The following KCNN2 variants were observed in gnomAD, a reference collection of about 807,000 sequenced individuals.
The protein encoded by KCNN2 is potassium calcium-activated channel subfamily N member 2, also known as small conductance calcium-activated potassium channel protein 2.
KCNN2 carries 24 observed loss-of-function variants against 55.5 expected under a neutral mutation model. That is an observed-to-expected ratio of 0.43 (90% CI 0.31 to 0.61). KCNN2 has a LOEUF of 0.61. Ranked by LOEUF, KCNN2 falls within the 20% of genes least tolerant of loss-of-function variation. The pLI is 0.08. For synonymous variants in KCNN2, 431 were observed against 336.1 expected (o/e 1.28, Z -3.09); for missense variants, 754 against 853.6 (o/e 0.88, Z 1.45).
chr5:114,251,681 C>A (rs1464981108), intron 2 of KCNN2, among the ~76,000 whole-genome samples: 2 of 152,110 alleles, frequency 1.3e-5, no homozygotes, highest in African/African-American at 4.8e-5. Context: ...TCCACCTGAA[C>A]TGTTATATTT....
chr5:114,353,229 G>C (rs1310192078), intron 2 of KCNN2, among the ~76,000 whole-genome samples: 1 of 151,068 alleles, frequency 6.6e-6, no homozygotes, highest in Non-Finnish European at 1.5e-5. Context: ...GTTGTTGTTT[G>C]CATGGTATAA....
intron 2 of KCNN2, among the ~76,000 whole-genome samples, chr5:114,221,763 T>G (rs1754143513): frequency 6.6e-6 from 1 of 152,172 alleles, no homozygotes; most frequent in African/African-American, 2.4e-5. Context: ...ACCACTGCAT[T>G]AAGAAAACAT....
Position 114,487,176 on chromosome 5 carries a change from CAGTA to C in KCNN2, c.2018+4_2018+7del, listed in dbSNP as rs1249820627. 1 of 1,612,120 alleles carries C rather than the reference CAGTA, an allele frequency of 6.2e-7. No individual in the cohort carries two copies. ...ACGAAAATTCCTGCAAGCTATTCAT[CAGTA>C]AGTATCATTTTTCATTTTTATCCTG... is the stretch of plus-strand genomic sequence containing the variant. On this transcript the variant is annotated splice_donor_variant and splice_donor_region_variant and coding_sequence_variant and intron_variant, in exon 6 of 8. Coordinates refer to ENST00000673685, the MANE Select transcript of KCNN2 (RefSeq NM_021614.4). LOFTEE classifies it high-confidence loss of function.
At chr5:114,083,637 A>G (rs1449631752) in intron 1 of KCNN2, among the ~76,000 whole-genome samples, 7 of 152,072 alleles carry the variant, frequency 4.6e-5, no homozygotes, top group Admixed American at 4.6e-4. Context: ...TCTGTTATTA[A>G]CATCTTGCAT....
intron 1 of KCNN2, among the ~76,000 whole-genome samples, chr5:114,153,452 A>C (rs1752566770): frequency 1.3e-5 from 2 of 152,192 alleles, no homozygotes; most frequent in Admixed American, 1.3e-4. Context: ...CATATGAGTT[A>C]GTTTGCCACA....
chr5:114,285,901 C>T (rs976697341), intron 2 of KCNN2, among the ~76,000 whole-genome samples: 18 of 144,594 alleles, frequency 1.2e-4, no homozygotes, highest in African/African-American at 4.1e-4. Context: ...TTCTGAGGCA[C>T]CTACAATTTG....
At chr5:114,452,573 A>G (rs1474827954) in intron 3 of KCNN2, among the ~76,000 whole-genome samples, 1 of 152,230 alleles carries the variant, frequency 6.6e-6, no homozygotes, top group East Asian at 1.9e-4. Flanking sequence ...CCTGAAATAA[A>G]GCTAATTGAT....
At chr5:114,462,918 C>G in intron 3 of KCNN2, 131 bp from the exon 4 acceptor site, 2 of 848,042 alleles carry the variant, frequency 2.4e-6, no homozygotes, top group Non-Finnish European at 3.6e-6. Context: ...TTTATATTCA[C>G]AAGCTTTGAA....
chr5:114,137,726 A>G (rs1297047482), intron 1 of KCNN2, among the ~76,000 whole-genome samples: 1 of 152,164 alleles, frequency 6.6e-6, no homozygotes, highest in Admixed American at 6.5e-5. Flanking sequence ...AGTAGCTCCA[A>G]TAATGTTAAG....
intron 3 of KCNN2, among the ~76,000 whole-genome samples, chr5:114,449,771 A>T (rs1211239429): frequency 6.6e-6 from 1 of 152,134 alleles, no homozygotes; most frequent in African/African-American, 2.4e-5. Flanking sequence ...TTAAGAGATA[A>T]GATCTGGTCT....
intron 2 of KCNN2, among the ~76,000 whole-genome samples, chr5:114,231,424 C>G (rs1416429301): frequency 6.9e-6 from 1 of 145,544 alleles, no homozygotes; most frequent in Non-Finnish European, 1.5e-5. Context: ...TTAGGTCTAA[C>G]GTTTAAGTCT....
In KCNN2 at chr5:114,279,910, C is replaced by G. The variant is rs529609986; in HGVS notation, c.-185+58345C>G. 1.4e-3 allele frequency among the ~76,000 whole-genome samples: 210 copies of G among 152,264 alleles called. 2 individuals carry two copies. The highest frequency in any genetic ancestry group is 4.8e-3 in the African/African-American group (200 of 41,536). ...ACAATAGTTGAACTAGTTTACAGTC[C>G]CACCAACAGTGTAAAAGTGTTCCTA... On this transcript the variant is annotated intron_variant, in intron 2 of 10. Transcript: ENST00000512097.
At chr5:114,481,531 A>G (rs1251077978) in intron 5 of KCNN2, among the ~76,000 whole-genome samples, 1 of 152,220 alleles carries the variant, frequency 6.6e-6, no homozygotes, top group Non-Finnish European at 1.5e-5. Flanking sequence ...TCACAGAATT[A>G]GAAAAAAAAC....
At chr5:114,212,300 T>A (rs1341397036) in intron 1 of KCNN2, among the ~76,000 whole-genome samples, 1 of 152,074 alleles carries the variant, frequency 6.6e-6, no homozygotes, top group African/African-American at 2.4e-5. Context: ...TCCAAAGGAT[T>A]GCATGGTGCA....
At chr5:114,118,988 G>A (rs953237288) in intron 1 of KCNN2, among the ~76,000 whole-genome samples, 1 of 152,166 alleles carries the variant, frequency 6.6e-6, no homozygotes, top group African/African-American at 2.4e-5. Flanking sequence ...ATATAGAAGA[G>A]GAGGAGGATA....
intron 3 of KCNN2, among the ~76,000 whole-genome samples, chr5:114,450,322 C>T (rs1580851646): frequency 6.6e-6 from 1 of 152,308 alleles, no homozygotes; most frequent in East Asian, 1.9e-4. Context: ...ATGGCTCCAT[C>T]TGTCTGCTGG....
chr5:114,400,678 T>C (rs1350550292), intron 2 of KCNN2, among the ~76,000 whole-genome samples: 1 of 152,218 alleles, frequency 6.6e-6, no homozygotes, highest in East Asian at 1.9e-4. Flanking sequence ...TTTCAGCCAC[T>C]CTGATGTTCC....
At chr5:114,206,645 CT>C (rs1195429527) in intron 1 of KCNN2, among the ~76,000 whole-genome samples, 3 of 152,154 alleles carry the variant, frequency 2.0e-5, no homozygotes, top group African/African-American at 7.2e-5. Flanking sequence ...GTGGTGTCAC[CT>C]TTACTGGTCT....
In KCNN2 at chr5:114,197,388, T is replaced by C. The variant is rs190803374; in HGVS notation, c.-270-24092T>C. ...GTCTTCTCTCTCCTTGTTAGTTTTCTGTCAAGTTGTTCTTCCCATTTTTGC... is the reference window on the plus strand; with the variant it reads ...GTCTTCTCTCTCCTTGTTAGTTTTCCGTCAAGTTGTTCTTCCCATTTTTGC... On this transcript the variant is annotated intron_variant, in intron 1 of 10. Transcript: ENST00000512097. Among the ~76,000 whole-genome samples, 72 of 152,360 alleles carry C rather than the reference T, an allele frequency of 4.7e-4. 1 individual carries two copies. The highest frequency in any genetic ancestry group is 1.7e-3 in the African/African-American group (69 of 41,592).
Sources: allele counts gnomAD v4.1 joint callset (sites outside exome capture counted in the v4.1 genomes callset), GRCh38; gene constraint gnomAD v4.1.1; transcripts MANE v1.5; gene names NCBI Gene and HGNC (gene_info 2026-07-23, HGNC 2026-07-21).